PLD1: variants seen among roughly 807,000 people sequenced by gnomAD.
PLD1 encodes phospholipase D1.
In PLD1, 112 loss-of-function variants were observed where a neutral mutation model predicts 137.1. That is an observed-to-expected ratio of 0.82 (90% CI 0.70 to 0.96). PLD1 has a LOEUF of 0.96. PLD1 is among the 40% of genes least tolerant of loss of function. PLD1 has a pLI of 0.00. For synonymous variants in PLD1, 431 were observed against 454.7 expected (o/e 0.95, Z 0.66); for missense variants, 1,321 against 1,342.0 (o/e 0.98, Z 0.24).
Position 171,625,229 on chromosome 3 carries a change from G to A in PLD1, c.2594-4709C>T, listed in dbSNP as rs568809521. 5.3e-5 allele frequency among the ~76,000 whole-genome samples: 8 copies of A among 152,330 alleles called. No individual in the cohort carries two copies. In the South Asian group the frequency reaches 1.5e-3, roughly 28 times the overall value. ...CCGCACATGGCTTGGAGGCTCCCAC[G>A]CCCACGGAGTCTCGCTGATTGCTAG... On this transcript the variant is annotated intron_variant, in intron 23 of 26. Coordinates refer to ENST00000351298, the MANE Select transcript of PLD1 (RefSeq NM_002662.5).
chr3:171,675,573 C>T (rs1291112813), intron 18 of PLD1, among the ~76,000 whole-genome samples: 1 of 152,146 alleles, frequency 6.6e-6, no homozygotes, highest in Non-Finnish European at 1.5e-5. Context: ...AACCTAACTA[C>T]AGGTATCAGC....
intron 21 of PLD1, among the ~76,000 whole-genome samples, chr3:171,657,989 T>C (rs1737354773): frequency 6.6e-6 from 1 of 151,950 alleles, no homozygotes; most frequent in South Asian, 2.1e-4. Context: ...AGTGAACAAA[T>C]GGGCAAGGGA....
chr3:171,728,387 A>G (rs1310749287), intron 6 of PLD1, among the ~76,000 whole-genome samples: 1 of 143,808 alleles, frequency 7.0e-6, no homozygotes, highest in East Asian at 2.0e-4. Flanking sequence ...GTGATTCAGT[A>G]TCATGCATTT....
chr3:171,614,563 C>T (rs1297017628), intron 24 of PLD1, among the ~76,000 whole-genome samples: 1 of 152,128 alleles, frequency 6.6e-6, no homozygotes, highest in Non-Finnish European at 1.5e-5. Context: ...ATAACTGCAC[C>T]GGAGAATGCT....
At chr3:171,754,118 A>G (rs374936936) in intron 1 of PLD1, among the ~76,000 whole-genome samples, 3 of 151,988 alleles carry the variant, frequency 2.0e-5, no homozygotes, top group South Asian at 4.2e-4. Flanking sequence ...CATTGAGTAC[A>G]CTCCTTTCCA....
intron 1 of PLD1, among the ~76,000 whole-genome samples, chr3:171,739,994 T>G (rs1452861159): frequency 6.6e-6 from 1 of 152,210 alleles, no homozygotes; most frequent in Non-Finnish European, 1.5e-5. Context: ...AATAATCTCC[T>G]GCAACTCGGT....
intron 20 of PLD1, among the ~76,000 whole-genome samples, chr3:171,659,720 T>C (rs1737510061): frequency 6.6e-6 from 1 of 152,224 alleles, no homozygotes; most frequent in South Asian, 2.1e-4. Flanking sequence ...CTTGCTTTTT[T>C]AACAGAGTAG....
At chr3:171,614,098 T>A (rs1366565041) in intron 24 of PLD1, among the ~76,000 whole-genome samples, 1 of 152,198 alleles carries the variant, frequency 6.6e-6, no homozygotes, top group Non-Finnish European at 1.5e-5. Context: ...TTACTGCCTG[T>A]TGCCAGAATA....
At chr3:171,611,005 G>A (rs1014545450) in intron 25 of PLD1, among the ~76,000 whole-genome samples, 4 of 152,162 alleles carry the variant, frequency 2.6e-5, no homozygotes, top group Admixed American at 2.0e-4. Context: ...TGCCTTTGCC[G>A]GGAGTTAAGT....
Position 171,764,879 on chromosome 3 carries a change from GAAAGAAAGA to G in PLD1, c.-31-26806_-31-26798del, listed in dbSNP as rs1560288430. On this transcript the variant is annotated intron_variant, in intron 1 of 26. Transcript: ENST00000351298. ...AGAAAGAAAGAAAGAAAGAAAGAAA[GAAAGAAAGA>G]AAGAAAGGAAGGAAGGAAGGAAGGA... 3.0e-3 allele frequency among the ~76,000 whole-genome samples: 74 copies of G among 24,790 alleles called. 7 individuals are homozygous for G. The highest frequency in any genetic ancestry group is 3.5e-3 in the Non-Finnish European group (39 of 11,216). 16.3% of individuals were successfully genotyped at this position (24,790 alleles called of 152,430 possible). A position where few individuals can be genotyped will look rare whatever the true frequency, so the allele number is the denominator to read the frequency against.
At chr3:171,770,054 A>C (rs1324341803) in intron 1 of PLD1, among the ~76,000 whole-genome samples, 1 of 152,198 alleles carries the variant, frequency 6.6e-6, no homozygotes, top group Non-Finnish European at 1.5e-5. Context: ...CAAATTAATA[A>C]AGGCAGAATT....
intron 1 of PLD1, among the ~76,000 whole-genome samples, chr3:171,806,699 C>T (rs886838585): frequency 1.3e-5 from 2 of 152,166 alleles, no homozygotes; most frequent in Admixed American, 1.3e-4. Flanking sequence ...AATTGCTACA[C>T]ACTGCTTTTA....
chr3:171,651,030 T>C (rs1380146982), intron 21 of PLD1, among the ~76,000 whole-genome samples: 1 of 152,194 alleles, frequency 6.6e-6, no homozygotes, highest in Non-Finnish European at 1.5e-5. Flanking sequence ...CCTTTTCTTG[T>C]TTTTCTCTGC....
chr3:171,634,900 CA>C (rs981359041), intron 23 of PLD1, among the ~76,000 whole-genome samples: 21 of 151,936 alleles, frequency 1.4e-4, no homozygotes, highest in Admixed American at 1.4e-3. Flanking sequence ...ATCACTCCCC[CA>C]AAAAAACCCC....
intron 1 of PLD1, among the ~76,000 whole-genome samples, chr3:171,767,513 AT>A (rs1375149750): frequency 3.3e-5 from 5 of 152,222 alleles, no homozygotes; most frequent in African/African-American, 1.2e-4. Context: ...ATTGGACATA[AT>A]ACAATCCAAA....
At position 171,724,690 on chromosome 3, in the gene PLD1, TC is replaced by T. The variant is rs780592592; in HGVS notation, c.758+5del. The T allele has an allele frequency of 4.5e-6, 7 of 1,562,434 alleles. No individual in the cohort carries two copies. The African/African-American group carries it at 8.1e-5, about 18-fold the overall frequency. Reference sequence around the variant, plus strand: ...AAACAAATACACAAAACTCACTAATTCCTACCTTTTTGACCATCTGTAGCAG... The same window carrying T: ...AAACAAATACACAAAACTCACTAATTCTACCTTTTTGACCATCTGTAGCAG... On this transcript the variant is annotated splice_donor_5th_base_variant and intron_variant, in intron 8 of 26. Transcript: ENST00000351298.
At chr3:171,760,888 G>C (rs1721345962) in intron 1 of PLD1, among the ~76,000 whole-genome samples, 1 of 152,170 alleles carries the variant, frequency 6.6e-6, no homozygotes, top group African/African-American at 2.4e-5. Context: ...CTTGCTGGTG[G>C]CATTGTTAAT....
Position 171,713,962 on chromosome 3 carries a change from T to G in PLD1, c.842A>C (p.Glu281Ala), listed in dbSNP as rs747580545. 1.2e-6 allele frequency: 2 copies of G among 1,612,618 alleles called. No individual in the cohort carries two copies. The highest frequency in any genetic ancestry group is 3.3e-5 in the Admixed American group (2 of 60,034). ...AIAFVLLVDK[E>A]FKIKVGKKET... ...CTTCTTCCCCACCTTAATTTTGAAT[T>G]CTTTGTCTACCAGCAGGACGAAGGC... Residue 281 changes from glutamate (E) to alanine (A), a missense_variant, in exon 9 of 27, where the codon GAA (glutamate) becomes GCA (alanine). Physicochemically the swap from Glu to Ala is moderately radical, Grantham distance 107. Transcript: ENST00000351298.
intron 3 of PLD1, 67 bp from the exon 4 acceptor site, chr3:171,735,704 A>T (rs1175686847): frequency 1.2e-6 from 1 of 818,454 alleles, no homozygotes; most frequent in African/African-American, 1.7e-5. Context: ...CTTTCAGTGA[A>T]CAATATTTAA....
Sources: gnomAD v4.1 joint callset for allele counts (sites outside exome capture counted in the v4.1 genomes callset) on GRCh38, gnomAD v4.1.1 for gene constraint, MANE v1.5 for transcripts, NCBI Gene and HGNC (gene_info 2026-07-23, HGNC 2026-07-21) for gene names.